The following VPS13C variants were observed in gnomAD, a reference collection of about 807,000 sequenced individuals.
VPS13C encodes the protein vacuolar protein sorting 13 homolog C, also known as intermembrane lipid transfer protein VPS13C.
A neutral mutation model predicts 456.8 loss-of-function variants in VPS13C; 358 were observed. The observed-to-expected ratio is 0.78, with a 90% CI of 0.72 to 0.86. The LOEUF (loss-of-function observed/expected upper bound fraction) is 0.86. VPS13C is among the 40% of genes least tolerant of loss of function. The probability of loss-of-function intolerance (pLI) is 0.00; values close to 1 mark genes in which losing one functional copy is unlikely to be tolerated. For missense variants in VPS13C, 4,818 were observed against 4,385.4 expected (o/e 1.10, Z -2.79); for synonymous variants, 1,578 against 1,486.7 (o/e 1.06, Z -1.41).
chr15:61,924,118 G>T (rs367613648), intron 53 of VPS13C, among the ~76,000 whole-genome samples: 2 of 151,294 alleles, frequency 1.3e-5, no homozygotes, highest in Admixed American at 1.3e-4. Context: ...CGCCCGCCTC[G>T]GCCTCCCAAA....
At chr15:62,057,947 G>T (rs182446050) in intron 1 of VPS13C, among the ~76,000 whole-genome samples, 2 of 152,266 alleles carry the variant, frequency 1.3e-5, no homozygotes, top group Admixed American at 1.3e-4. Flanking sequence ...GATGGCAATG[G>T]AACCTCTGAC....
rs1166359339 is a variant in VPS13C, at chr15:61,869,495, A to G, written c.10748+5T>C. On this transcript the variant is annotated splice_donor_5th_base_variant and intron_variant, in intron 80 of 84. Transcript: ENST00000644861. ...ATACCTTGCACATAGTATGTACTCA[A>G]TTACCTCTGAATGCCTTGGAAGGTA... The G allele has an allele frequency of 1.2e-6, 2 of 1,613,948 alleles. No homozygotes were observed. Among genetic ancestry groups the G allele is most frequent in the African/African-American group, 2.7e-5 (2 of 74,918 alleles).
chr15:61,889,749 A>T (rs1566971551), intron 67 of VPS13C, among the ~76,000 whole-genome samples: 3 of 152,108 alleles, frequency 2.0e-5, no homozygotes, highest in Non-Finnish European at 4.4e-5. Context: ...CCCCTAACTC[A>T]TGACAGTTTC....
rs1227718804 is a variant in VPS13C, at chr15:62,060,302, A to T, written c.73T>A (p.Ser25Thr). 6.2e-7 allele frequency: 1 copy of T among 1,607,196 alleles called. No individual in the cohort carries two copies. The highest frequency in any genetic ancestry group is 8.5e-7 in the Non-Finnish European group (1 of 1,177,380). Reference protein sequence around the residue: ...LGDYVENLNKSQLKLGIWGGN... With the variant: ...LGDYVENLNKTQLKLGIWGGN... ...CCCCAGATGCCCAGCTTCAGCTGGG[A>T]CTTGTTCAGGTTCTCCACATAGTCC... The change falls in exon 1 of 85, where the codon TCC (serine) becomes ACC (threonine). Residue 25 changes from serine (S) to threonine (T), a missense_variant. By Grantham distance (58) the Ser-to-Thr change is moderately conservative (BLOSUM62 1). Coordinates refer to ENST00000644861, the MANE Select transcript of VPS13C (RefSeq NM_020821.3).
chr15:62,031,638 T>C (rs866002110), intron 5 of VPS13C, among the ~76,000 whole-genome samples: 1 of 152,134 alleles, frequency 6.6e-6, no homozygotes, highest in African/African-American at 2.4e-5. Flanking sequence ...AGAGTTTCAC[T>C]TTTTGAATTT....
At chr15:61,877,198 T>C in intron 74 of VPS13C, 144 bp from the exon 75 acceptor site, 1 of 535,542 alleles carries the variant, frequency 1.9e-6, no homozygotes, top group Non-Finnish European at 3.2e-6. Context: ...AATTTATGAT[T>C]GTCTTAATAA....
At chr15:61,982,673 A>C in intron 20 of VPS13C, 100 bp from the exon 21 acceptor site, 1 of 728,118 alleles carries the variant, frequency 1.4e-6, no homozygotes, top group Non-Finnish European at 2.2e-6. Flanking sequence ...GTAGCTTTGA[A>C]CTGTGGAACT....
At position 61,999,376 on chromosome 15, in the gene VPS13C, T is replaced by C. The variant is rs182696970; in HGVS notation, c.1353+1188A>G. 9.6e-5 allele frequency among the ~76,000 whole-genome samples: 14 copies of C among 146,360 alleles called. No homozygotes were observed. In the East Asian group the frequency reaches 2.4e-3, roughly 25 times the overall value. ...GCCTGGACAACAGAGCAAGACTCCA[T>C]CTCAAAAAAAAAAAAAAGAGAGAGA... On this transcript the variant is annotated intron_variant, in intron 16 of 84. Coordinates refer to ENST00000644861, the MANE Select transcript of VPS13C (RefSeq NM_020821.3).
intron 63 of VPS13C, among the ~76,000 whole-genome samples, chr15:61,911,442 C>A (rs1409429050): frequency 6.6e-6 from 1 of 152,198 alleles, no homozygotes; most frequent in East Asian, 1.9e-4. Flanking sequence ...TTCAGAAATT[C>A]TATAACCACC....
chr15:61,871,384 C>T (rs984228395), intron 79 of VPS13C, among the ~76,000 whole-genome samples: 3 of 152,052 alleles, frequency 2.0e-5, no homozygotes, highest in Admixed American at 6.6e-5. Context: ...ACATCCTTGT[C>T]GAAGATCAGT....
Position 61,920,190 on chromosome 15 carries a change from C to G in VPS13C, c.7354G>C (p.Asp2452His), listed in dbSNP as rs749892637. 1.9e-6 allele frequency: 3 copies of G among 1,613,604 alleles called. No homozygotes were observed. The highest frequency in any genetic ancestry group is 2.5e-6 in the Non-Finnish European group (3 of 1,179,664). Residue 2452 changes from aspartate (D) to histidine (H), a missense_variant, in exon 57 of 85, where the codon GAT (aspartate) becomes CAT (histidine). Coordinates refer to ENST00000644861, the MANE Select transcript of VPS13C (RefSeq NM_020821.3). The stretch of plus-strand genomic sequence containing the variant: ...TGGCCAGCATCAACATCAAAAATAT[C>G]ACTTTTCTCAGGGAAGCCCATTACT... ...LRVMGFPEKSDIFDVDAGQNL... is the reference protein window; with the variant it reads ...LRVMGFPEKSHIFDVDAGQNL...
chr15:61,868,509 A>G, intron 81 of VPS13C, 150 bp downstream of exon 81: 1 of 720,488 alleles, frequency 1.4e-6, no homozygotes, highest in South Asian at 1.7e-5. Context: ...CACATGCTAA[A>G]ATGAAAAACA....
At chr15:61,894,137 C>A (rs2042732745) in intron 66 of VPS13C, among the ~76,000 whole-genome samples, 1 of 152,154 alleles carries the variant, frequency 6.6e-6, no homozygotes, top group South Asian at 2.1e-4. Flanking sequence ...GAAACCCCAT[C>A]TCTACTAAAA....
chr15:62,035,072 AC>A lies in VPS13C; in HGVS notation c.188-21del. 6.5e-7 allele frequency: 1 copy of A among 1,549,766 alleles called. No individual in the cohort carries two copies. The highest frequency in any genetic ancestry group is 8.9e-7 in the Non-Finnish European group (1 of 1,128,838). ...ATTTATCTAAGGAAACATAATTTCA[AC>A]CTTAAATTATTATTTGACTGCTCAA... On this transcript the variant is annotated intron_variant, in intron 3 of 84. Transcript: ENST00000644861.
In VPS13C at chr15:62,037,384, GTATATAATATATTATATATAAATA is replaced by G. The variant is rs1430530266; in HGVS notation, c.188-2356_188-2333del. ...TGTATATAATATATTATATATAAAT[GTATATAATATATTATATATAAATA>G]TATATAATATGTTATATATAAATAT... On this transcript the variant is annotated intron_variant, in intron 3 of 84. Transcript: ENST00000644861. Among the ~76,000 whole-genome samples the G allele has an allele frequency of 1.6e-3, 114 of 70,162 alleles. 3 individuals carry two copies. The highest frequency in any genetic ancestry group is 8.8e-3 in the Middle Eastern group (1 of 114). The allele number at this position is 70,162 out of a possible 152,430, so 46.0% of individuals were successfully genotyped here.
At position 61,917,680 on chromosome 15, in the gene VPS13C, T is replaced by G. The variant is rs1385326769; in HGVS notation, c.7761-45A>C. On this transcript the variant is annotated intron_variant, in intron 59 of 84. Transcript: ENST00000644861. Reference sequence around the variant, plus strand: ...TGACAATAAAGTTTTGATCCACAACTTAAAAAAAAGCATCTCATTAAATCT... The same window carrying G: ...TGACAATAAAGTTTTGATCCACAACGTAAAAAAAAGCATCTCATTAAATCT... 5 of 1,564,290 alleles carry G rather than the reference T, an allele frequency of 3.2e-6. No individual in the cohort carries two copies. The Admixed American group carries it at 9.5e-5, about 30-fold the overall frequency.
intron 34 of VPS13C, 77 bp downstream of exon 34, chr15:61,962,294 T>C (rs2045234399): frequency 7.4e-7 from 1 of 1,355,620 alleles, no homozygotes; most frequent in African/African-American, 1.5e-5. Context: ...CCAAGGTTTA[T>C]AACATTTGCC....
intron 74 of VPS13C, among the ~76,000 whole-genome samples, chr15:61,877,989 AT>A (rs141665732): frequency 0.11 from 16,592 of 151,486 alleles, 1,287 homozygotes; most frequent in Admixed American, 0.15. Context: ...ATTTTCATTG[AT>A]TTTGTTGTAA....
At chr15:62,017,343 G>C (rs940910337) in intron 9 of VPS13C, among the ~76,000 whole-genome samples, 5 of 152,110 alleles carry the variant, frequency 3.3e-5, no homozygotes, top group Non-Finnish European at 7.4e-5. Flanking sequence ...TGGTGTTTTA[G>C]ACATGAAGTC....
Sources: allele counts gnomAD v4.1 joint callset (sites outside exome capture counted in the v4.1 genomes callset), GRCh38; gene constraint gnomAD v4.1.1; transcripts MANE v1.5; gene names NCBI Gene and HGNC (gene_info 2026-07-23, HGNC 2026-07-21).